Variants in FOXN3 observed in about 807,000 individuals in gnomAD.
FOXN3 encodes the protein forkhead box N3, also known as forkhead box protein N3.
In FOXN3, 7 loss-of-function variants were observed where a neutral mutation model predicts 38.4. That is an observed-to-expected ratio of 0.18 (90% confidence interval 0.10 to 0.34). The LOEUF (loss-of-function observed/expected upper bound fraction) is 0.34, where lower values mean the gene tolerates loss of function less well. FOXN3 is among the 10% of genes least tolerant of loss of function. FOXN3 has a pLI of 1.00. For synonymous variants in FOXN3, 230 were observed against 242.2 expected, an observed-to-expected ratio of 0.95 and a Z score of 0.47; for missense variants, 456 against 613.4, an observed-to-expected ratio of 0.74 and a Z score of 2.71.
chr14:89,450,488 C>T (rs1892592513), intron 1 of FOXN3, among the ~76,000 whole-genome samples: 1 of 152,128 alleles, frequency 6.6e-6, no homozygotes, highest in Non-Finnish European at 1.5e-5. Flanking sequence ...ATGATGGACA[C>T]CTGGACTTAA....
intron 4 of FOXN3, among the ~76,000 whole-genome samples, chr14:89,215,417 T>C (rs1320695021): frequency 6.6e-6 from 1 of 151,886 alleles, no homozygotes. Flanking sequence ...CAGAGAGACA[T>C]ACTGTTTCAT....
chr14:89,344,445 C>A (rs1888708276), intron 3 of FOXN3, among the ~76,000 whole-genome samples: 1 of 152,150 alleles, frequency 6.6e-6, no homozygotes, highest in Non-Finnish European at 1.5e-5. Context: ...ATAAACCATA[C>A]TGTTTGATTA....
At chr14:89,467,459 GA>G (rs1892993129) in intron 1 of FOXN3, among the ~76,000 whole-genome samples, 1 of 151,132 alleles carries the variant, frequency 6.6e-6, no homozygotes, top group Non-Finnish European at 1.5e-5. Flanking sequence ...TTTAAATGCC[GA>G]AAAATTAAAA....
chr14:89,584,651 A>G (rs944166120), intron 1 of FOXN3, among the ~76,000 whole-genome samples: 2 of 151,968 alleles, frequency 1.3e-5, no homozygotes, highest in African/African-American at 2.4e-5. Flanking sequence ...TCAGGTACTT[A>G]TTTGTCATCC....
chr14:89,438,693 T>C (rs1892318335), intron 1 of FOXN3, among the ~76,000 whole-genome samples: 1 of 152,232 alleles, frequency 6.6e-6, no homozygotes, highest in Non-Finnish European at 1.5e-5. Context: ...CTTAAACATA[T>C]ACTTCCTTGT....
chr14:89,386,515 TC>T (rs1890794039), intron 2 of FOXN3, among the ~76,000 whole-genome samples: 1 of 152,202 alleles, frequency 6.6e-6, no homozygotes, highest in African/African-American at 2.4e-5. Context: ...TTAACCAACT[TC>T]TAAAGTGGTT....
At chr14:89,605,626 T>G (rs903947376) in intron 1 of FOXN3, among the ~76,000 whole-genome samples, 2 of 152,110 alleles carry the variant, frequency 1.3e-5, no homozygotes, top group Admixed American at 1.3e-4. Context: ...CCAGCTACAT[T>G]TGTACATGTC....
chr14:89,551,874 G>A (rs1471936056), intron 1 of FOXN3, among the ~76,000 whole-genome samples: 1 of 152,130 alleles, frequency 6.6e-6, no homozygotes, highest in African/African-American at 2.4e-5. Flanking sequence ...CTGCTTCCCA[G>A]AGCTGTTTGG....
At chr14:89,553,238 CAAAAAAAAA>C (rs146581490) in intron 1 of FOXN3, among the ~76,000 whole-genome samples, 3 of 79,034 alleles carry the variant, frequency 3.8e-5, no homozygotes, top group Admixed American at 1.8e-4. Flanking sequence ...GACCCTGTCC[CAAAAAAAAA>C]AAAAAAAAAA....
chr14:89,392,521 G>A (rs1260912038), intron 2 of FOXN3, among the ~76,000 whole-genome samples: 3 of 152,192 alleles, frequency 2.0e-5, no homozygotes, highest in African/African-American at 4.8e-5. Flanking sequence ...TCTGTTCTAC[G>A]ACCCTCTCTG....
At chr14:89,321,441 T>C (rs1022476546) in intron 3 of FOXN3, among the ~76,000 whole-genome samples, 1 of 152,042 alleles carries the variant, frequency 6.6e-6, no homozygotes. Flanking sequence ...CCAGGAGCGA[T>C]GGTAGGCGCT....
intron 2 of FOXN3, chr14:89,364,734 T>C (rs1359170746): frequency 1.3e-5 from 2 of 152,238 alleles, no homozygotes; most frequent in East Asian, 1.9e-4. Flanking sequence ...TTCAGACACC[T>C]GAGCTCTGTG....
chr14:89,286,358 G>C (rs544723709), intron 3 of FOXN3, among the ~76,000 whole-genome samples: 4 of 152,214 alleles, frequency 2.6e-5, no homozygotes, highest in Admixed American at 2.6e-4. Flanking sequence ...CACAGCACAC[G>C]ACAAAGCAGA....
intron 1 of FOXN3, among the ~76,000 whole-genome samples, chr14:89,540,734 T>A (rs1231983753): frequency 7.7e-6 from 1 of 129,866 alleles, no homozygotes; most frequent in African/African-American, 2.9e-5. Flanking sequence ...TGAGACTATG[T>A]CTCAAAAAAA....
At chr14:89,295,762 A>ATTTTTTTCTTTTTTTTTTTT (rs1887017191) in intron 3 of FOXN3, among the ~76,000 whole-genome samples, 1 of 123,224 alleles carries the variant, frequency 8.1e-6, no homozygotes, top group African/African-American at 3.1e-5. Flanking sequence ...TAATTTTTGC[A>ATTTTTTTCTTTTTTTTTTTT]TTTTTTTTTT....
chr14:89,404,868 C>T (rs1225620785), intron 2 of FOXN3, among the ~76,000 whole-genome samples: 1 of 152,070 alleles, frequency 6.6e-6, no homozygotes, highest in African/African-American at 2.4e-5. Context: ...ATGTTCCACC[C>T]CACCCAACAT....
At chr14:89,199,416 G>C (rs1888179881) in intron 4 of FOXN3, among the ~76,000 whole-genome samples, 2 of 152,222 alleles carry the variant, frequency 1.3e-5, no homozygotes, top group African/African-American at 4.8e-5. Flanking sequence ...AGAACACCAA[G>C]AGGGGCCTTT....
chr14:89,343,123 GA>G (rs1888661341), intron 3 of FOXN3, among the ~76,000 whole-genome samples: 1 of 152,190 alleles, frequency 6.6e-6, no homozygotes, highest in Non-Finnish European at 1.5e-5. Flanking sequence ...TAACTAGAAT[GA>G]AAGATGTCTT....
At chr14:89,465,565 C>A (rs750340976) in intron 1 of FOXN3, among the ~76,000 whole-genome samples, 15 of 152,160 alleles carry the variant, frequency 9.9e-5, no homozygotes, top group Admixed American at 5.9e-4. Flanking sequence ...CTAATACAAT[C>A]CAGAAGAACT....
Sources: allele counts gnomAD v4.1 joint callset (sites outside exome capture counted in the v4.1 genomes callset), GRCh38; gene constraint gnomAD v4.1.1; transcripts MANE v1.5; gene names NCBI Gene and HGNC (gene_info 2026-07-23, HGNC 2026-07-21).